Variants in KBTBD3 observed in about 807,000 individuals in gnomAD.
The protein encoded by KBTBD3 is kelch repeat and BTB domain containing 3.
KBTBD3 carries 38 observed loss-of-function variants against 49.6 expected under a neutral mutation model. The observed-to-expected ratio is 0.77, with a 90% CI of 0.59 to 1.00. KBTBD3 has a LOEUF of 1.00. Ranked by LOEUF, KBTBD3 falls within the 50% of genes least tolerant of loss-of-function variation. KBTBD3 has a pLI of 0.00. For synonymous variants in KBTBD3, 214 were observed against 250.4 expected (o/e 0.85, Z 1.37); for missense variants, 661 against 712.0 (o/e 0.93, Z 0.81).
At chr11:106,061,854 C>T (rs1017934411) in intron 2 of KBTBD3, among the ~76,000 whole-genome samples, 1 of 151,944 alleles carries the variant, frequency 6.6e-6, no homozygotes, top group African/African-American at 2.4e-5. Flanking sequence ...AGTACAAATA[C>T]ATATACATAT....
intron 2 of KBTBD3, among the ~76,000 whole-genome samples, chr11:106,064,390 C>G (rs1860763429): frequency 1.3e-5 from 2 of 151,542 alleles, no homozygotes; most frequent in African/African-American, 4.9e-5. Context: ...TATGAAAATA[C>G]AAAAATTAGC....
chr11:106,076,714 A>G lies in KBTBD3; in HGVS notation c.-213-7T>C, dbSNP rs1861037745. 6.6e-6 allele frequency: 1 copy of G among 152,242 alleles called. No homozygotes were observed. Among genetic ancestry groups the G allele is most frequent in the Non-Finnish European group, 1.5e-5 (1 of 68,046 alleles). The allele number at this position is 152,242 out of a possible 1,614,324, so 9.4% of individuals were successfully genotyped here. A position where few individuals can be genotyped will look rare whatever the true frequency, so the allele number is the denominator to read the frequency against. On this transcript the variant is annotated splice_polypyrimidine_tract_variant and splice_region_variant and intron_variant, in intron 1 of 3. Coordinates refer to ENST00000531837, the MANE Select transcript of KBTBD3 (RefSeq NM_198439.3). ...AACAGCCTACACGGAACAACTAAGG[A>G]AACAGACATACATCAATATGACCCT...
chr11:106,054,149 G>A lies in KBTBD3; in HGVS notation c.540C>T (p.His180=). The A allele has an allele frequency of 6.2e-7, 1 of 1,613,006 alleles. No homozygotes were observed. Among genetic ancestry groups the A allele is most frequent in the Non-Finnish European group, 8.5e-7 (1 of 1,179,364 alleles). Residue 180 remains histidine (H), a synonymous_variant, in exon 4 of 4, where the codon CAC becomes CAT. Coordinates refer to ENST00000531837, the MANE Select transcript of KBTBD3 (RefSeq NM_198439.3). ...CACTGGATTTAAATAATAAAGAAAA[G>A]TGATGTTGTACAAAGTGTAATGCAT... ...FDHALHFVQH[H]FSLLFKSSDF... is the part of the protein sequence containing the mutation.
At chr11:106,076,733 T>C (rs1293164815) in intron 1 of KBTBD3, 26 bp from the exon 2 acceptor site, 1 of 152,240 alleles carries the variant, frequency 6.6e-6, no homozygotes, top group East Asian at 1.9e-4. Context: ...TACATCAATA[T>C]GACCCTTCGC....
At chr11:106,065,675 T>C (rs1389190878) in intron 2 of KBTBD3, among the ~76,000 whole-genome samples, 1 of 152,050 alleles carries the variant, frequency 6.6e-6, no homozygotes, top group East Asian at 1.9e-4. Context: ...AAAAAGTTCA[T>C]CAAGGCTGGG....
intron 2 of KBTBD3, among the ~76,000 whole-genome samples, chr11:106,062,115 C>T (rs935518887): frequency 1.3e-5 from 2 of 151,962 alleles, no homozygotes; most frequent in Non-Finnish European, 2.9e-5. Context: ...GGCAGTACTG[C>T]TGGAAATCTA....
intron 2 of KBTBD3, among the ~76,000 whole-genome samples, chr11:106,071,445 T>C (rs868673184): frequency 6.6e-6 from 1 of 152,140 alleles, no homozygotes; most frequent in Admixed American, 6.5e-5. Flanking sequence ...CATGAATAAG[T>C]GGACCACATG....
intron 2 of KBTBD3, among the ~76,000 whole-genome samples, chr11:106,074,865 C>G (rs1407941864): frequency 6.6e-6 from 1 of 152,116 alleles, no homozygotes; most frequent in East Asian, 1.9e-4. Context: ...ATCATGGTTT[C>G]TTCCTTGAGA....
chr11:106,071,155 C>G (rs1420708692), intron 2 of KBTBD3, among the ~76,000 whole-genome samples: 1 of 151,994 alleles, frequency 6.6e-6, no homozygotes, highest in Non-Finnish European at 1.5e-5. Flanking sequence ...TCTTCTTGCT[C>G]AAAACATAGA....
At position 106,053,911 on chromosome 11, in the gene KBTBD3, T is replaced by A. The variant is rs771138276; in HGVS notation, c.778A>T (p.Ser260Cys). The A allele has an allele frequency of 1.5e-5, 25 of 1,613,834 alleles. No individual in the cohort carries two copies. The South Asian group carries it at 2.7e-4, about 18-fold the overall frequency. ...TLQDCLFNEE[S>C]LLKSTNCFDI... is the part of the protein sequence containing the mutation. ...AAACAGTTTGTGCTTTTGAGTAAAC[T>A]CTCTTCATTGAACAGACAGTCCTGA... The change falls in exon 4 of 4, where the codon AGT becomes TGT. Residue 260 changes from serine to cysteine, a missense_variant. Coordinates refer to ENST00000531837, the MANE Select transcript of KBTBD3 (RefSeq NM_198439.3).
At chr11:106,060,636 T>C (rs1175496020) in intron 2 of KBTBD3, among the ~76,000 whole-genome samples, 1 of 152,162 alleles carries the variant, frequency 6.6e-6, no homozygotes, top group East Asian at 1.9e-4. Flanking sequence ...TATACAAAAA[T>C]TAACTCAAGA....
intron 2 of KBTBD3, among the ~76,000 whole-genome samples, chr11:106,072,022 CA>C (rs1860927855): frequency 6.6e-6 from 1 of 152,108 alleles, no homozygotes; most frequent in African/African-American, 2.4e-5. Context: ...TTTTAAGACA[CA>C]AATTTTTTCA....
intron 2 of KBTBD3, among the ~76,000 whole-genome samples, chr11:106,072,984 AG>A (rs1381936305): frequency 1.3e-5 from 2 of 152,262 alleles, no homozygotes; most frequent in Non-Finnish European, 2.9e-5. Flanking sequence ...AGACACAAGT[AG>A]GAAGTGGAAA....
chr11:106,062,759 T>C (rs750860749), intron 2 of KBTBD3, among the ~76,000 whole-genome samples: 1 of 152,348 alleles, frequency 6.6e-6, no homozygotes, highest in Admixed American at 6.5e-5. Context: ...GGGCACCAGA[T>C]GGCCCAGGCA....
chr11:106,061,396 C>T (rs1860692296), intron 2 of KBTBD3, among the ~76,000 whole-genome samples: 1 of 152,136 alleles, frequency 6.6e-6, no homozygotes, highest in South Asian at 2.1e-4. Flanking sequence ...TTGCTCTAGC[C>T]ACATTTAAGT....
At chr11:106,064,828 G>C (rs145594910) in intron 2 of KBTBD3, among the ~76,000 whole-genome samples, 1 of 151,982 alleles carries the variant, frequency 6.6e-6, no homozygotes, top group Non-Finnish European at 1.5e-5. Context: ...CTACAGAATC[G>C]GGTGACTCAG....
Position 106,053,973 on chromosome 11 carries a change from T to G in KBTBD3, c.716A>C (p.Glu239Ala). 6.2e-7 allele frequency: 1 copy of G among 1,613,918 alleles called. No individual in the cohort carries two copies. The highest frequency in any genetic ancestry group is 8.5e-7 in the Non-Finnish European group (1 of 1,179,912). ...AGATAACTGATGTAATCTCACTTTT[T>G]CAATCAAATGAGGCAGATACTTTTG... Reference protein sequence around the residue: ...SRQKYLPHLIEKVRLHQLSEE... With the variant: ...SRQKYLPHLIAKVRLHQLSEE... Residue 239 changes from glutamate to alanine, a missense_variant, in exon 4 of 4, where the codon GAA (glutamate) becomes GCA (alanine). By Grantham distance (107) the Glu-to-Ala change is moderately radical. Coordinates refer to ENST00000531837, the MANE Select transcript of KBTBD3 (RefSeq NM_198439.3).
intron 2 of KBTBD3, among the ~76,000 whole-genome samples, chr11:106,065,196 C>T (rs1425915195): frequency 2.0e-5 from 3 of 152,066 alleles, no homozygotes; most frequent in African/African-American, 7.2e-5. Context: ...TTAGTAGAGA[C>T]GGGGTTTCAC....
At chr11:106,071,632 C>T (rs1860919920) in intron 2 of KBTBD3, among the ~76,000 whole-genome samples, 1 of 152,024 alleles carries the variant, frequency 6.6e-6, no homozygotes, top group Non-Finnish European at 1.5e-5. Flanking sequence ...ATCTAAGGAG[C>T]TGAAAATTTC....
Sources: allele counts gnomAD v4.1 joint callset (sites outside exome capture counted in the v4.1 genomes callset), GRCh38; gene constraint gnomAD v4.1.1; transcripts MANE v1.5; gene names NCBI Gene and HGNC (gene_info 2026-07-23, HGNC 2026-07-21).